The following ZNF25 variants were observed in gnomAD, a reference collection of about 807,000 sequenced individuals.
ZNF25 encodes the protein zinc finger protein 25 (KOX 19).
In ZNF25, 21 loss-of-function variants were observed where a neutral mutation model predicts 30.9. The observed-to-expected ratio is 0.68, with a 90% confidence interval of 0.48 to 0.98. The LOEUF (loss-of-function observed/expected upper bound fraction) is 0.98. Ranked by LOEUF, ZNF25 falls within the 50% of genes least tolerant of loss-of-function variation. ZNF25 has a pLI of 0.00. For missense variants in ZNF25, 501 were observed against 529.9 expected (o/e 0.95, Z 0.54); for synonymous variants, 169 against 181.3 (o/e 0.93, Z 0.55).
chr10:37,970,450 C>T (rs901079271), intron 2 of ZNF25, among the ~76,000 whole-genome samples: 1 of 152,084 alleles, frequency 6.6e-6, no homozygotes, highest in Non-Finnish European at 1.5e-5. Context: ...TCTGAACAAA[C>T]TAGGAAAAGA....
chr10:37,952,208 C>T lies in ZNF25; in HGVS notation c.1290G>A (p.Glu430=). ...ACTTCTGGATAAAGGTTTCCCCACA[C>T]TCCTGACACTCATAGGGCTTCTCCC... is the stretch of plus-strand genomic sequence containing the variant. ...HTGEKPYECQ[E]CGETFIQKSQ... The change falls in exon 6 of 6, where the codon GAG becomes GAA. Residue 430 remains glutamate (E), a synonymous_variant. Transcript: ENST00000302609. 6.2e-7 allele frequency: 1 copy of T among 1,613,774 alleles called. No individual in the cohort carries two copies. Among genetic ancestry groups the T allele is most frequent in the South Asian group, 1.1e-5 (1 of 91,026 alleles).
chr10:37,952,080 G>A lies in ZNF25; in HGVS notation c.*47C>T. 2 of 1,494,636 alleles carry A rather than the reference G, an allele frequency of 1.3e-6. No individual in the cohort carries two copies. The highest frequency in any genetic ancestry group is 1.4e-5 in the South Asian group (1 of 73,754). 92.6% of individuals were successfully genotyped at this position (1,494,636 alleles called of 1,614,324 possible). ...GGTGTACCTCTTGTGTGAATTATCTGATTGTTTTGAAGGATTAATTCAGTC... is the reference window on the plus strand; with the variant it reads ...GGTGTACCTCTTGTGTGAATTATCTAATTGTTTTGAAGGATTAATTCAGTC... On this transcript the variant is annotated 3_prime_UTR_variant, in exon 6 of 6. Coordinates refer to ENST00000302609, the MANE Select transcript of ZNF25 (RefSeq NM_145011.4).
rs950937266 is a variant in ZNF25, at chr10:37,953,587, G to A, written c.302+108C>T. ...TATTCCTTGGGATTTGCTCTGCAGT[G>A]TTAGTTTTCTCACGTTTAGTATTAA... is the stretch of plus-strand genomic sequence containing the variant. On this transcript the variant is annotated intron_variant, in intron 5 of 5. Transcript: ENST00000302609. 4.0e-6 allele frequency: 4 copies of A among 997,822 alleles called. No individual in the cohort carries two copies. The African/African-American group carries it at 6.4e-5, about 16-fold the overall frequency. 61.8% of individuals were successfully genotyped at this position (997,822 alleles called of 1,614,324 possible).
intron 4 of ZNF25, among the ~76,000 whole-genome samples, 179 bp from the exon 5 acceptor site, chr10:37,953,937 CAGA>C (rs904295872): frequency 1.3e-5 from 2 of 152,166 alleles, no homozygotes; most frequent in African/African-American, 4.8e-5. Flanking sequence ...CTGTCACACA[CAGA>C]AGGAGGATTC....
Position 37,952,270 on chromosome 10 carries a change from T to C in ZNF25, c.1228A>G (p.Lys410Glu). 2 of 1,613,962 alleles carry C rather than the reference T, an allele frequency of 1.2e-6. No individual in the cohort carries two copies. The highest frequency in any genetic ancestry group is 1.7e-6 in the Non-Finnish European group (2 of 1,179,954). ...CKECGKSFSQ[K>E]SHFIIHQRKH... ...CTCTGATGTATAATAAAATGTGACT[T>C]CTGAGAAAAGGACTTCCCACATTCC... Residue 410 changes from lysine (K) to glutamate (E), a missense_variant, in exon 6 of 6, where the codon AAG becomes GAG. Physicochemically the swap from Lys to Glu is moderately conservative, Grantham distance 56. Transcript: ENST00000302609.
intron 2 of ZNF25, among the ~76,000 whole-genome samples, chr10:37,960,610 C>G (rs1431243449): frequency 8.3e-5 from 8 of 96,686 alleles, no homozygotes; most frequent in Admixed American, 1.7e-4. Flanking sequence ...GGTGACCGAG[C>G]AAGACTCCAT....
intron 2 of ZNF25, among the ~76,000 whole-genome samples, chr10:37,965,010 G>T (rs571525432): frequency 1.3e-5 from 2 of 152,274 alleles, no homozygotes; most frequent in African/African-American, 4.8e-5. Context: ...TCTGGTTCCA[G>T]CTTCAGCTCA....
rs2062332736 is a variant in ZNF25, at chr10:37,953,713, C to T, written c.284G>A (p.Ser95Asn). Reference sequence around the variant, plus strand: ...AACTTGCCTTGAATTTCCAGCTTGGCTTTCCTGGTATCTTGCTTCTAGATC... The same window carrying T: ...AACTTGCCTTGAATTTCCAGCTTGGTTTTCCTGGTATCTTGCTTCTAGATC... ...IHDLEARYQE[S>N]QAGNSRNGEL... The change falls in exon 5 of 6, where the codon AGC becomes AAC. Residue 95 changes from serine to asparagine, a missense_variant. Coordinates refer to ENST00000302609, the MANE Select transcript of ZNF25 (RefSeq NM_145011.4). 2 of 1,613,894 alleles carry T rather than the reference C, an allele frequency of 1.2e-6. No homozygotes were observed. Among genetic ancestry groups the T allele is most frequent in the South Asian group, 2.2e-5 (2 of 91,086 alleles).
At chr10:37,972,187 T>G (rs1361671519) in intron 1 of ZNF25, among the ~76,000 whole-genome samples, 2 of 152,228 alleles carry the variant, frequency 1.3e-5, no homozygotes, top group Non-Finnish European at 2.9e-5. Flanking sequence ...TCATAACCAT[T>G]TTTTTCTATT....
intron 2 of ZNF25, among the ~76,000 whole-genome samples, chr10:37,961,041 A>G (rs898597108): frequency 6.6e-6 from 1 of 152,152 alleles, no homozygotes; most frequent in African/African-American, 2.4e-5. Flanking sequence ...TGATAGGAAA[A>G]TTAATTAAAG....
intron 2 of ZNF25, among the ~76,000 whole-genome samples, chr10:37,962,807 G>C (rs1458043590): frequency 6.6e-6 from 1 of 152,156 alleles, no homozygotes; most frequent in Non-Finnish European, 1.5e-5. Flanking sequence ...TTACAACTTA[G>C]ATGAAATGGA....
At chr10:37,969,881 T>C (rs189088861) in intron 2 of ZNF25, among the ~76,000 whole-genome samples, 1 of 152,338 alleles carries the variant, frequency 6.6e-6, no homozygotes, top group Admixed American at 6.5e-5. Context: ...ACCAATTATA[T>C]GTAATTTCTT....
At position 37,953,731 on chromosome 10, in the gene ZNF25, T is replaced by C. The variant is rs1243241167; in HGVS notation, c.266A>G (p.Glu89Gly). The C allele has an allele frequency of 6.2e-7, 1 of 1,614,062 alleles. No individual in the cohort carries two copies. The highest frequency in any genetic ancestry group is 1.7e-5 in the Admixed American group (1 of 60,008). The change falls in exon 5 of 6, where the codon GAA becomes GGA. Residue 89 changes from glutamate to glycine, a missense_variant. Coordinates refer to ENST00000302609, the MANE Select transcript of ZNF25 (RefSeq NM_145011.4). ...AGCTTGGCTTTCCTGGTATCTTGCT[T>C]CTAGATCATGAATGCTCCATAGGTC... ...PEDLWSIHDL[E>G]ARYQESQAGN...
chr10:37,975,294 G>A (rs72791791), intron 1 of ZNF25, among the ~76,000 whole-genome samples: 18,529 of 151,830 alleles, frequency 0.12, 1,355 homozygotes, highest in East Asian at 0.29. Flanking sequence ...TAAATGAGGC[G>A]GTGGATATTG....
chr10:37,960,619 ATCTC>A (rs2062810741), intron 2 of ZNF25, among the ~76,000 whole-genome samples: 1 of 124,498 alleles, frequency 8.0e-6, no homozygotes. Context: ...GCAAGACTCC[ATCTC>A]AAAAAAAAAA....
intron 1 of ZNF25, 24 bp downstream of exon 1, chr10:37,976,482 C>CT (rs2063826954): frequency 6.6e-6 from 1 of 152,404 alleles, no homozygotes; most frequent in South Asian, 2.1e-4. Context: ...AGGCCCTGCC[C>CT]GCCCGCAAAA....
At chr10:37,972,509 T>C (rs558417476) in intron 1 of ZNF25, among the ~76,000 whole-genome samples, 2 of 152,318 alleles carry the variant, frequency 1.3e-5, no homozygotes, top group South Asian at 2.1e-4. Context: ...TGCAATGCAC[T>C]GTGCCCTCAA....
At chr10:37,957,280 C>T in intron 3 of ZNF25, 140 bp downstream of exon 3, 1 of 1,327,368 alleles carries the variant, frequency 7.5e-7, no homozygotes, top group Non-Finnish European at 1.0e-6. Flanking sequence ...TTTTCTAGTA[C>T]CCAAAATGGA....
rs776705962 is a variant in ZNF25 at position 37,951,007 on chromosome 10, G to A, written c.*1120C>T. On this transcript the variant is annotated 3_prime_UTR_variant, in exon 6 of 6. Transcript: ENST00000302609. ...GTAATAAATACTACTGTTTTTAGCT[G>A]TTTAAAAACAGCTCAGGCTTTTGCT... 1.6e-4 allele frequency: 25 copies of A among 152,200 alleles called. No individual in the cohort carries two copies. The highest frequency in any genetic ancestry group is 3.1e-4 in the Non-Finnish European group (21 of 68,010). 9.4% of individuals were successfully genotyped at this position (152,200 alleles called of 1,614,324 possible).
Sources: allele counts gnomAD v4.1 joint callset (sites outside exome capture counted in the v4.1 genomes callset), GRCh38; gene constraint gnomAD v4.1.1; transcripts MANE v1.5; gene names NCBI Gene and HGNC (gene_info 2026-07-23, HGNC 2026-07-21).